The following EIF2AK4 variants were observed in gnomAD, a reference collection of about 807,000 sequenced individuals.
EIF2AK4 encodes the protein eIF-2-alpha kinase GCN2.
A neutral mutation model predicts 211.1 loss-of-function variants in EIF2AK4; 139 were observed. The ratio of observed to expected loss-of-function variants is 0.66; its 90% CI spans 0.57 to 0.76. The LOEUF is 0.76. Ranked by LOEUF, EIF2AK4 falls within the 30% of genes least tolerant of loss-of-function variation. The pLI is 0.00. For missense variants in EIF2AK4, 1,664 were observed against 2,043.8 expected (o/e 0.81, Z 3.58); for synonymous variants, 710 against 751.3 (o/e 0.94, Z 0.90).
At position 39,967,646 on chromosome 15, in the gene EIF2AK4, G is replaced by A; in HGVS notation, c.1320G>A (p.Lys440=). The A allele has an allele frequency of 6.2e-7, 1 of 1,614,194 alleles. No individual in the cohort carries two copies. The highest frequency in any genetic ancestry group is 1.3e-5 in the African/African-American group (1 of 75,048). ...TGGTGGATGCAGAAGGCACCGTCAA[G>A]ATTACGGACTATAGCATTTCTAAGC... ...NVLVDAEGTV[K]ITDYSISKRL... The change falls in exon 9 of 39, where the codon AAG becomes AAA. Residue 440 remains lysine (K), a synonymous_variant. Coordinates refer to ENST00000263791, the MANE Select transcript of EIF2AK4 (RefSeq NM_001013703.4).
intron 2 of EIF2AK4, among the ~76,000 whole-genome samples, chr15:39,940,069 A>T (rs535443346): frequency 6.6e-6 from 1 of 152,134 alleles, no homozygotes; most frequent in Non-Finnish European, 1.5e-5. Context: ...CTGCCTCTCA[A>T]TGGGGCACTC....
chr15:39,976,581 G>C lies in EIF2AK4; in HGVS notation c.1986G>C (p.Pro662=). Reference sequence around the variant, plus strand: ...CCTGGATCGAGCGGCACGAGCGGCCGGCGGGACCGGGGACGCCGCCCCCGG... The same window carrying C: ...CCTGGATCGAGCGGCACGAGCGGCCCGCGGGACCGGGGACGCCGCCCCCGG... ...YNAWIERHER[P]AGPGTPPPDS... The change falls in exon 12 of 39, where the codon CCG becomes CCC. Residue 662 remains proline, a synonymous_variant. Transcript: ENST00000263791. 1 of 1,610,990 alleles carries C rather than the reference G, an allele frequency of 6.2e-7. No individual in the cohort carries two copies. Among genetic ancestry groups the C allele is most frequent in the Non-Finnish European group, 8.5e-7 (1 of 1,179,006 alleles).
At chr15:39,962,396 T>C (rs1041198101) in intron 7 of EIF2AK4, among the ~76,000 whole-genome samples, 7 of 152,242 alleles carry the variant, frequency 4.6e-5, no homozygotes, top group Non-Finnish European at 8.8e-5. Context: ...GTCAGTAGAA[T>C]TTTACATCAT....
At chr15:40,004,251 TC>T (rs1258727809) in intron 23 of EIF2AK4, among the ~76,000 whole-genome samples, 1 of 152,180 alleles carries the variant, frequency 6.6e-6, no homozygotes, top group Non-Finnish European at 1.5e-5. Flanking sequence ...GAACCAGCAA[TC>T]CCACTTTGAG....
intron 7 of EIF2AK4, among the ~76,000 whole-genome samples, chr15:39,962,716 T>C (rs2034490388): frequency 6.6e-6 from 1 of 152,256 alleles, no homozygotes; most frequent in Non-Finnish European, 1.5e-5. Context: ...TTATTTTCTA[T>C]ATGCCTTATT....
intron 18 of EIF2AK4, among the ~76,000 whole-genome samples, chr15:39,995,353 CTT>C (rs1030333782): frequency 5.5e-4 from 84 of 152,336 alleles, no homozygotes; most frequent in African/African-American, 1.9e-3. Flanking sequence ...GCCGCCCCCT[CTT>C]TGAGTCCAAA....
At chr15:40,002,869 A>G in intron 22 of EIF2AK4, 81 bp downstream of exon 22, 1 of 1,463,488 alleles carries the variant, frequency 6.8e-7, no homozygotes, top group South Asian at 1.2e-5. Flanking sequence ...GTGTTCGGGC[A>G]TATCATATTT....
chr15:39,958,044 C>T (rs984985208), intron 6 of EIF2AK4, among the ~76,000 whole-genome samples: 1 of 152,124 alleles, frequency 6.6e-6, no homozygotes, highest in Non-Finnish European at 1.5e-5. Context: ...CTTTTCCCAC[C>T]TTGAAGGATT....
Position 39,976,647 on chromosome 15 carries a change from G to A in EIF2AK4, c.2052G>A (p.Gly684=). ...PLAKDDRAAR[G]QPASDTDGLD... ...CCAAGGATGACCGAGCTGCACGCGG[G>A]CAGCCGGCGAGCGACACAGACGGCC... The change falls in exon 12 of 39, where the codon GGG becomes GGA. Residue 684 remains glycine (G), a synonymous_variant. Transcript: ENST00000263791. 6.2e-7 allele frequency: 1 copy of A among 1,603,986 alleles called. No individual in the cohort carries two copies.
At chr15:39,979,217 G>T (rs547933715) in intron 13 of EIF2AK4, among the ~76,000 whole-genome samples, 1 of 152,300 alleles carries the variant, frequency 6.6e-6, no homozygotes, top group Admixed American at 6.5e-5. Context: ...TGTACTAGAC[G>T]TTATAAAATC....
intron 9 of EIF2AK4, among the ~76,000 whole-genome samples, chr15:39,969,960 A>G (rs776517042): frequency 5.9e-5 from 9 of 152,162 alleles, no homozygotes; most frequent in Non-Finnish European, 1.3e-4. Context: ...TCTCACCTCT[A>G]TGTCCTACTG....
rs1265035009 is a variant in EIF2AK4 at position 39,967,749 on chromosome 15, A to G, written c.1423A>G (p.Thr475Ala). The change falls in exon 9 of 39, where the codon ACG becomes GCG. Residue 475 changes from threonine to alanine, a missense_variant. Physicochemically the swap from Thr to Ala is moderately conservative, Grantham distance 58. This residue lies in a region of EIF2AK4 where 641 missense variants were observed against 729.6 expected (regional missense o/e 0.88). Coordinates refer to ENST00000263791, the MANE Select transcript of EIF2AK4 (RefSeq NM_001013703.4). ...TAGTGACAATGCTCTGCCTTATAAA[A>G]CGGGGAAGAAAGGAGATGTTTGGCG... ...RFSDNALPYK[T>A]GKKGDVWRLG... is the part of the protein sequence containing the mutation. The G allele has an allele frequency of 6.2e-7, 1 of 1,614,006 alleles. No homozygotes were observed. Among genetic ancestry groups the G allele is most frequent in the East Asian group, 2.2e-5 (1 of 44,896 alleles).
intron 25 of EIF2AK4, among the ~76,000 whole-genome samples, 189 bp downstream of exon 25, chr15:40,008,384 G>A (rs1331332165): frequency 2.0e-5 from 3 of 152,136 alleles, no homozygotes; most frequent in Admixed American, 6.5e-5. Flanking sequence ...ACCTTCACAG[G>A]AACTGGTTTT....
At chr15:39,974,572 C>G (rs1383342404) in intron 11 of EIF2AK4, 1 of 152,158 alleles carries the variant, frequency 6.6e-6, no homozygotes, top group Non-Finnish European at 1.5e-5. Context: ...ATGTCCTGAT[C>G]AGAAAGATCA....
chr15:40,016,930 A>G (rs1243101298), intron 28 of EIF2AK4, among the ~76,000 whole-genome samples, 178 bp from the exon 29 acceptor site: 1 of 152,204 alleles, frequency 6.6e-6, no homozygotes, highest in Non-Finnish European at 1.5e-5. Flanking sequence ...AGAGAAGAGA[A>G]TTTATTTTAC....
intron 30 of EIF2AK4, chr15:40,020,512 ATATTTATT>A (rs10533369): frequency 0.72 from 90,221 of 126,028 alleles, 28,721 homozygotes; most frequent in Admixed American, 0.76. Flanking sequence ...ATATGTATAT[ATATTTATT>A]TATTTATTTA....
At position 39,990,905 on chromosome 15, in the gene EIF2AK4, G is replaced by C. The variant is rs539599441; in HGVS notation, c.2631+528G>C. Among the ~76,000 whole-genome samples, 4 of 152,222 alleles carry C rather than the reference G, an allele frequency of 2.6e-5. No individual in the cohort carries two copies. The South Asian group carries it at 6.2e-4, about 24-fold the overall frequency. On this transcript the variant is annotated intron_variant, in intron 16 of 38. Coordinates refer to ENST00000263791, the MANE Select transcript of EIF2AK4 (RefSeq NM_001013703.4). The stretch of plus-strand genomic sequence containing the variant: ...TTCCAGAGAGAGCACAGCATAAGCA[G>C]AGGCCCCGGGGTAAGCAGACTTGGC...
At position 40,007,920 on chromosome 15, in the gene EIF2AK4, C is replaced by T. The variant is rs59525131; in HGVS notation, c.3408-107C>T. 4,828 of 870,126 alleles carry T rather than the reference C, an allele frequency of 5.5e-3. 181 individuals carry two copies. The African/African-American group carries it at 0.075, about 14-fold the overall frequency. The allele number at this position is 870,126 out of a possible 1,614,324, so 53.9% of individuals were successfully genotyped here. A position where few individuals can be genotyped will look rare whatever the true frequency, so the allele number is the denominator to read the frequency against. On this transcript the variant is annotated intron_variant, in intron 24 of 38. Coordinates refer to ENST00000263791, the MANE Select transcript of EIF2AK4 (RefSeq NM_001013703.4). ...CTTTCAGTCCTCTTGATCATACCAC[C>T]GATTAATTTTTTTTCATATTTGTTT... is the stretch of plus-strand genomic sequence containing the variant.
chr15:39,961,269 A>C (rs1279497793), intron 6 of EIF2AK4, among the ~76,000 whole-genome samples: 2 of 152,188 alleles, frequency 1.3e-5, no homozygotes, highest in Non-Finnish European at 2.9e-5. Flanking sequence ...TGGCAGCTCC[A>C]ACCCCCTCTG....
Sources: gnomAD v4.1 joint callset for allele counts (sites outside exome capture counted in the v4.1 genomes callset) on GRCh38, gnomAD v4.1.1 for gene constraint, gnomAD v4.1.1 regional missense constraint, MANE v1.5 for transcripts, NCBI Gene and HGNC (gene_info 2026-07-23, HGNC 2026-07-21) for gene names.